HSPG2: variants seen among roughly 807,000 people sequenced by gnomAD.
The protein encoded by HSPG2 is basement membrane-specific heparan sulfate proteoglycan core protein.
A neutral mutation model predicts 526.6 loss-of-function variants in HSPG2; 278 were observed. The ratio of observed to expected loss-of-function variants is 0.53; its 90% CI spans 0.48 to 0.58. The LOEUF (loss-of-function observed/expected upper bound fraction) is 0.58. Ranked by LOEUF, HSPG2 falls within the 20% of genes least tolerant of loss-of-function variation. HSPG2 has a pLI of 0.00. For missense variants in HSPG2, 5,354 were observed against 6,099.5 expected (o/e 0.88, Z 4.07); for synonymous variants, 2,465 against 2,555.4 (o/e 0.96, Z 1.07).
intron 1 of HSPG2, among the ~76,000 whole-genome samples, chr1:21,897,278 A>C (rs538571409): frequency 2.2e-4 from 33 of 152,342 alleles, no homozygotes; most frequent in African/African-American, 7.2e-4. Flanking sequence ...ACAAGTATGC[A>C]CAGACTGGCA....
At chr1:21,873,131 C>T (rs1250708765) in intron 30 of HSPG2, 40 bp from the exon 31 acceptor site, 3 of 1,503,186 alleles carry the variant, frequency 2.0e-6, no homozygotes, top group Non-Finnish European at 2.7e-6. Flanking sequence ...CCCAAACCCG[C>T]CACCCAGCAC....
rs1165151518 is a variant in HSPG2, at chr1:21,849,947, G to C, written c.7446+94C>G. On this transcript the variant is annotated intron_variant, in intron 57 of 96. Coordinates refer to ENST00000374695, the MANE Select transcript of HSPG2 (RefSeq NM_005529.7). ...CCTGCCTTGGCCTCCCAAAGTGCCGGGATTACAGGCGTGAGCCACTGCGCC... is the reference window on the plus strand; with the variant it reads ...CCTGCCTTGGCCTCCCAAAGTGCCGCGATTACAGGCGTGAGCCACTGCGCC... 3.3e-6 allele frequency: 5 copies of C among 1,508,762 alleles called. No homozygotes were observed. The South Asian group carries it at 3.4e-5, about 10-fold the overall frequency. The allele number at this position is 1,508,762 out of a possible 1,614,324, so 93.5% of individuals were successfully genotyped here.
At chr1:21,853,570 C>A (rs1291608590) in intron 50 of HSPG2, 11 of 168,186 alleles carry the variant, frequency 6.5e-5, no homozygotes, top group African/African-American at 2.4e-4. Context: ...GGTGAAACCC[C>A]GTCTCTACTA....
At chr1:21,878,074 G>T (rs985413689) in intron 21 of HSPG2, 112 bp downstream of exon 21, 1 of 1,004,598 alleles carries the variant, frequency 1.0e-6, no homozygotes, top group Non-Finnish European at 1.5e-6. Context: ...CTCTGACTGG[G>T]TTACCACCCA....
chr1:21,831,617 A>G, intron 82 of HSPG2, 35 bp downstream of exon 82: 1 of 1,612,700 alleles, frequency 6.2e-7, no homozygotes, highest in South Asian at 1.1e-5. Context: ...GGGCGGGATG[A>G]GGGCTGGAAG....
In HSPG2 at chr1:21,855,442, G is replaced by T; in HGVS notation, c.5859C>A (p.Gly1953=). ...VARAVLHVHG[G]GGPRVQVSPE... ...GGCTCACTTGGACTCTGGGCCCACC[G>T]CCCCCTGCAGACAGAGTCCTGTGAG... Residue 1953 remains glycine (G), a synonymous_variant, in exon 47 of 97, where the codon GGC becomes GGA. Transcript: ENST00000374695. 1.2e-6 allele frequency: 2 copies of T among 1,613,002 alleles called. No individual in the cohort carries two copies. The highest frequency in any genetic ancestry group is 1.7e-6 in the Non-Finnish European group (2 of 1,179,862).
intron 28 of HSPG2, 102 bp from the exon 29 acceptor site, chr1:21,874,113 G>A (rs936834184): frequency 2.2e-4 from 220 of 1,006,356 alleles, no homozygotes; most frequent in Non-Finnish European, 1.5e-4. Context: ...GAACAGGCAT[G>A]TGAACTCATG....
At position 21,872,315 on chromosome 1, in the gene HSPG2, G is replaced by T; in HGVS notation, c.4092C>A (p.Asn1364Lys). The stretch of plus-strand genomic sequence containing the variant: ...CAGTGAATTCTCCTGTCAGGCGGCT[G>T]TTTCGCTGTGGGTTCACCAGGGCAA... ...QGFALVNPQR[N>K]SRLTGEFTVE... Residue 1364 changes from asparagine to lysine, a missense_variant, in exon 33 of 97, where the codon AAC becomes AAA. Physicochemically the swap from Asn to Lys is moderately conservative, Grantham distance 94. Coordinates refer to ENST00000374695, the MANE Select transcript of HSPG2 (RefSeq NM_005529.7). This position sits in a 1 kb window ranked among gnomAD's most constrained non-coding sequence, Gnocchi z 5.5. 4.4e-6 allele frequency: 7 copies of T among 1,576,316 alleles called. No individual in the cohort carries two copies. Among genetic ancestry groups the T allele is most frequent in the Non-Finnish European group, 6.0e-6 (7 of 1,160,852 alleles).
chr1:21,872,818 A>G lies in HSPG2; in HGVS notation c.3889-58T>C. The G allele has an allele frequency of 6.3e-7, 1 of 1,587,000 alleles. No individual in the cohort carries two copies. Among genetic ancestry groups the G allele is most frequent in the Non-Finnish European group, 8.6e-7 (1 of 1,166,658 alleles). ...GACTCAGTGGGTCTCCTGCACCCCC[A>G]GCAGCCTGAGGCCAGCCTCCCTGGC... On this transcript the variant is annotated intron_variant, in intron 31 of 96. Transcript: ENST00000374695. This position sits in a 1 kb window ranked among gnomAD's most constrained non-coding sequence, Gnocchi z 5.5.
rs571959987 is a variant in HSPG2 at position 21,854,934 on chromosome 1, G to A, written c.6047C>T (p.Thr2016Met). 17 of 1,614,046 alleles carry A rather than the reference G, an allele frequency of 1.1e-5. No homozygotes were observed. Among genetic ancestry groups the A allele is most frequent in the Middle Eastern group, 1.7e-4 (1 of 6,054 alleles). The change falls in exon 48 of 97, where the codon ACG becomes ATG. Residue 2016 changes from threonine (T) to methionine (M), a missense_variant. By Grantham distance (81) the Thr-to-Met change is moderately conservative. Transcript: ENST00000374695. ...GAGGTAGAAGCCGGCGTCAGCAGTC[G>A]TGATGGCTGGGATGAGCAGTGTCGC... ...DIATLLIPAI[T>M]TADAGFYLCV...
chr1:21,913,631 G>A lies in HSPG2; in HGVS notation c.64-17321C>T, dbSNP rs902824090. On this transcript the variant is annotated intron_variant, in intron 1 of 96. Coordinates refer to ENST00000374695, the MANE Select transcript of HSPG2 (RefSeq NM_005529.7). Reference sequence around the variant, plus strand: ...CCTGTCATTCTGGGGCAGTGAGCCCGGCTGTAACTAACTGACCAATCCCAG... The same window carrying A: ...CCTGTCATTCTGGGGCAGTGAGCCCAGCTGTAACTAACTGACCAATCCCAG... Among the ~76,000 whole-genome samples the A allele has an allele frequency of 5.3e-5, 8 of 152,142 alleles. No homozygotes were observed. The South Asian group carries it at 6.2e-4, about 12-fold the overall frequency.
At position 21,824,449 on chromosome 1, in the gene HSPG2, C is replaced by T; in HGVS notation, c.12745-73G>A. 1 of 1,602,068 alleles carries T rather than the reference C, an allele frequency of 6.2e-7. No homozygotes were observed. Among genetic ancestry groups the T allele is most frequent in the Non-Finnish European group, 8.5e-7 (1 of 1,171,500 alleles). On this transcript the variant is annotated intron_variant, in intron 93 of 96. Coordinates refer to ENST00000374695, the MANE Select transcript of HSPG2 (RefSeq NM_005529.7). The surrounding 1 kb of genome is among the most constrained non-coding windows in gnomAD (Gnocchi z 5.9). ...AGGCTGCCGAGGCCAGGGGGCTCTG[C>T]TTTCCCCTCCCCCCACCACTCCGGC...
At chr1:21,869,349 T>C (rs1640475471) in intron 33 of HSPG2, 2 of 624,300 alleles carry the variant, frequency 3.2e-6, no homozygotes, top group South Asian at 7.2e-5. Context: ...TAAGAGAAAA[T>C]TGGAAAGAAA....
rs1458882227 is a variant in HSPG2 at position 21,842,160 on chromosome 1, G to T, written c.9053-18C>A. 6.2e-7 allele frequency: 1 copy of T among 1,613,630 alleles called. No individual in the cohort carries two copies. On this transcript the variant is annotated intron_variant, in intron 68 of 96. Coordinates refer to ENST00000374695, the MANE Select transcript of HSPG2 (RefSeq NM_005529.7). ...CCTAAGGCCTGGGGCCAAAGGGGCA[G>T]AGGGCTGGGCTCAGCAGGGGTGGGC...
Position 21,890,776 on chromosome 1 carries a change from T to G in HSPG2, c.245-82A>C. 2.9e-6 allele frequency: 3 copies of G among 1,052,014 alleles called. No homozygotes were observed. The highest frequency in any genetic ancestry group is 1.5e-6 in the Non-Finnish European group (1 of 686,718). 65.2% of individuals were successfully genotyped at this position (1,052,014 alleles called of 1,614,324 possible). A position where few individuals can be genotyped will look rare whatever the true frequency, so the allele number is the denominator to read the frequency against. ...AGGCAGTTGGACCATTCAGGCAGAG[T>G]TGGGGGGATGGCCCCCAGAGGCCTC... On this transcript the variant is annotated intron_variant, in intron 3 of 96. Coordinates refer to ENST00000374695, the MANE Select transcript of HSPG2 (RefSeq NM_005529.7). The surrounding 1 kb of genome is among the most constrained non-coding windows in gnomAD (Gnocchi z 4.1).
chr1:21,897,227 G>A (rs2152774457), intron 1 of HSPG2, among the ~76,000 whole-genome samples: 1 of 152,332 alleles, frequency 6.6e-6, no homozygotes, highest in Middle Eastern at 3.4e-3. Context: ...TGGCCCTCAA[G>A]TGTGCAGATT....
rs961743934 is a variant in HSPG2 at position 21,937,269 on chromosome 1, C to CGCCGCCCGCA, written c.-62_-53dup. The CGCCGCCCGCA allele has an allele frequency of 2.0e-4, 147 of 720,398 alleles. 2 individuals are homozygous for CGCCGCCCGCA. Among genetic ancestry groups the CGCCGCCCGCA allele is most frequent in the Admixed American group, 6.5e-4 (10 of 15,296 alleles). The allele number at this position is 720,398 out of a possible 1,614,324, so 44.6% of individuals were successfully genotyped here. ...CGCTCGCTCCGCGCCGCCCGCTCCG[C>CGCCGCCCGCA]GCCGCCCGCAGCCGCCCGCTCGCCG... On this transcript the variant is annotated 5_prime_UTR_variant, in exon 1 of 97. Transcript: ENST00000374695.
intron 1 of HSPG2, among the ~76,000 whole-genome samples, chr1:21,906,634 C>T (rs546065917): frequency 4.8e-5 from 7 of 144,954 alleles, no homozygotes; most frequent in South Asian, 4.5e-4. Context: ...GGAATAGGCG[C>T]GGGGGAGACA....
chr1:21,838,785 G>A (rs1481679159), intron 74 of HSPG2, 40 bp downstream of exon 74: 11 of 1,604,790 alleles, frequency 6.9e-6, no homozygotes, highest in Non-Finnish European at 9.3e-6. Flanking sequence ...GGGCCAGGAG[G>A]AAAGGTGATC....
Sources: gnomAD v4.1 joint callset for allele counts (sites outside exome capture counted in the v4.1 genomes callset) on GRCh38, gnomAD v4.1.1 for gene constraint, Gnocchi (gnomAD v3.1) non-coding constraint, MANE v1.5 for transcripts, NCBI Gene and HGNC (gene_info 2026-07-23, HGNC 2026-07-21) for gene names.